RANBP17: variants seen among roughly 807,000 people sequenced by gnomAD.
RANBP17 encodes ran-binding protein 17.
RANBP17 carries 158 observed loss-of-function variants against 141.2 expected under a neutral mutation model. The observed-to-expected ratio is 1.12, with a 90% CI of 0.98 to 1.28. The LOEUF (loss-of-function observed/expected upper bound fraction) is 1.28. RANBP17 is among the 50% of genes most tolerant of loss of function. RANBP17 has a pLI of 0.00. For missense variants in RANBP17, 1,438 were observed against 1,290.7 expected, an observed-to-expected ratio of 1.11 and a Z score of -1.75; for synonymous variants, 430 against 450.0, an observed-to-expected ratio of 0.96 and a Z score of 0.56.
intron 16 of RANBP17, among the ~76,000 whole-genome samples, chr5:171,174,770 G>GTGTGTGTGTGTGTGTGTA (rs931464945): frequency 4.0e-5 from 6 of 151,102 alleles, no homozygotes; most frequent in African/African-American, 1.5e-4. Flanking sequence ...GTGTGTGTGT[G>GTGTGTGTGTGTGTGTGTA]TGTGTGTGTG....
chr5:171,024,831 G>T (rs1781126129), intron 14 of RANBP17, among the ~76,000 whole-genome samples: 1 of 151,116 alleles, frequency 6.6e-6, no homozygotes, highest in Non-Finnish European at 1.5e-5. Flanking sequence ...GCACTCCTGT[G>T]TCTTCAATTA....
At chr5:171,039,741 G>A (rs1362580587) in intron 14 of RANBP17, among the ~76,000 whole-genome samples, 2 of 152,128 alleles carry the variant, frequency 1.3e-5, no homozygotes, top group Non-Finnish European at 2.9e-5. Flanking sequence ...AGACTATTAT[G>A]AACACCCCTG....
chr5:170,930,065 C>G (rs764119830), intron 12 of RANBP17, among the ~76,000 whole-genome samples: 53 of 152,110 alleles, frequency 3.5e-4, no homozygotes, highest in Non-Finnish European at 5.0e-4. Flanking sequence ...CTGAGTGACC[C>G]AACTAGATTT....
chr5:170,974,116 C>G (rs1777193162), intron 14 of RANBP17, among the ~76,000 whole-genome samples: 1 of 152,198 alleles, frequency 6.6e-6, no homozygotes, highest in African/African-American at 2.4e-5. Context: ...ATCCTACAAT[C>G]AGCTCCAAAG....
chr5:170,977,803 A>C (rs1188941820), intron 14 of RANBP17, among the ~76,000 whole-genome samples: 1 of 152,118 alleles, frequency 6.6e-6, no homozygotes, highest in African/African-American at 2.4e-5. Flanking sequence ...AAATCTATAG[A>C]AATAGAAAGT....
At chr5:170,939,955 T>G (rs955717032) in intron 12 of RANBP17, among the ~76,000 whole-genome samples, 1 of 151,770 alleles carries the variant, frequency 6.6e-6, no homozygotes, top group African/African-American at 2.4e-5. Flanking sequence ...AATAGAAAAA[T>G]AAGCAAATTC....
chr5:171,189,611 T>C (rs911271960), intron 18 of RANBP17, among the ~76,000 whole-genome samples: 1 of 150,892 alleles, frequency 6.6e-6, no homozygotes, highest in Non-Finnish European at 1.5e-5. Flanking sequence ...CTCTGATCAT[T>C]GGCCTCTCCC....
Position 170,879,526 on chromosome 5 carries a change from T to G in RANBP17, c.165+1283T>G, listed in dbSNP as rs1016227341. On this transcript the variant is annotated intron_variant, in intron 2 of 27. Coordinates refer to ENST00000523189, the MANE Select transcript of RANBP17 (RefSeq NM_022897.5). ...ATAAAGCTGCCTGACATTACTTGCA[T>G]TTCAAATGATGTTATCAAAATGGCT... is the stretch of plus-strand genomic sequence containing the variant. 2.0e-5 allele frequency among the ~76,000 whole-genome samples: 3 copies of G among 152,182 alleles called. No individual in the cohort carries two copies. The South Asian group carries it at 6.2e-4, about 31-fold the overall frequency.
intron 1 of RANBP17, 44 bp downstream of exon 1, chr5:170,862,095 G>T: frequency 1.4e-6 from 2 of 1,434,916 alleles, no homozygotes; most frequent in Non-Finnish European, 1.8e-6. Flanking sequence ...GCCACGCTGG[G>T]AACCCGGCGG....
At chr5:170,947,422 G>T (rs926602776) in intron 12 of RANBP17, among the ~76,000 whole-genome samples, 2 of 152,080 alleles carry the variant, frequency 1.3e-5, no homozygotes, top group African/African-American at 2.4e-5. Flanking sequence ...TAACATAAAA[G>T]ATAAGTATGT....
intron 14 of RANBP17, among the ~76,000 whole-genome samples, chr5:171,005,806 C>A (rs1435720639): frequency 6.6e-6 from 1 of 152,092 alleles, no homozygotes. Flanking sequence ...AGTGAACAGG[C>A]AACCTACAGA....
intron 9 of RANBP17, chr5:170,918,428 A>ACACACAC (rs1554134261): frequency 9.0e-4 from 206 of 228,928 alleles, no homozygotes; most frequent in South Asian, 1.4e-3. Context: ...ACACACACAC[A>ACACACAC]ACTTTTGTGT....
chr5:171,005,599 T>C (rs899852978), intron 14 of RANBP17, among the ~76,000 whole-genome samples: 15 of 152,162 alleles, frequency 9.9e-5, no homozygotes, highest in African/African-American at 3.1e-4. Context: ...TAATTCAAGA[T>C]GGATTAAAGA....
chr5:171,160,850 T>C lies in RANBP17; in HGVS notation c.1711-9280T>C, dbSNP rs368822939. Among the ~76,000 whole-genome samples, 5 of 152,236 alleles carry C rather than the reference T, an allele frequency of 3.3e-5. No individual in the cohort carries two copies. In the East Asian group the frequency reaches 9.7e-4, roughly 29 times the overall value. On this transcript the variant is annotated intron_variant, in intron 14 of 27. Transcript: ENST00000523189. ...TCTTGTCGCCCAGGCTAGAATGCAA[T>C]GGAGCAGTCTCAGCTCACTGCAACC...
chr5:171,039,930 A>T (rs1390648278), intron 14 of RANBP17, among the ~76,000 whole-genome samples: 1 of 152,154 alleles, frequency 6.6e-6, no homozygotes, highest in East Asian at 1.9e-4. Flanking sequence ...TCACAGCCAA[A>T]TTCTACCACA....
chr5:171,065,319 C>T (rs775947387), intron 14 of RANBP17, among the ~76,000 whole-genome samples: 23 of 152,032 alleles, frequency 1.5e-4, no homozygotes, highest in Non-Finnish European at 2.8e-4. Context: ...GTGAAGGGGA[C>T]GGTTTTGGCA....
At chr5:171,056,781 C>A (rs2127662532) in intron 14 of RANBP17, among the ~76,000 whole-genome samples, 1 of 149,678 alleles carries the variant, frequency 6.7e-6, no homozygotes, top group East Asian at 2.0e-4. Flanking sequence ...AATCAAATCC[C>A]AGGTCACCAG....
chr5:171,088,405 G>T (rs964886843), intron 14 of RANBP17, among the ~76,000 whole-genome samples: 6 of 151,908 alleles, frequency 3.9e-5, no homozygotes, highest in African/African-American at 1.2e-4. Context: ...ATTTTTTTCT[G>T]CATTTCAACC....
chr5:170,957,057 G>A (rs976594369), intron 13 of RANBP17, among the ~76,000 whole-genome samples: 2 of 130,400 alleles, frequency 1.5e-5, no homozygotes, highest in Non-Finnish European at 3.2e-5. Flanking sequence ...GCAACAGAGC[G>A]AGACTCTGTC....
Sources: allele counts gnomAD v4.1 joint callset (sites outside exome capture counted in the v4.1 genomes callset), GRCh38; gene constraint gnomAD v4.1.1; transcripts MANE v1.5; gene names NCBI Gene and HGNC (gene_info 2026-07-23, HGNC 2026-07-21).